The following GNAQ variants were observed in gnomAD, a reference collection of about 807,000 sequenced individuals.
GNAQ encodes G protein subunit alpha q, also known as guanine nucleotide-binding protein G(q) subunit alpha.
Under a neutral mutation model 43.9 loss-of-function variants are expected in GNAQ, and 8 were observed. That is an observed-to-expected ratio of 0.18 (90% CI 0.11 to 0.33). The LOEUF is 0.33. Among genes scored for constraint, GNAQ ranks in the 10% least tolerant of loss-of-function variants. The pLI, the probability that GNAQ is intolerant of heterozygous loss-of-function variation, is 1.00. For synonymous variants in GNAQ, 155 were observed against 170.7 expected, an observed-to-expected ratio of 0.91 and a Z score of 0.71; for missense variants, 158 against 450.8, an observed-to-expected ratio of 0.35 and a Z score of 5.88.
chr9:77,967,938 C>G (rs759164178), intron 1 of GNAQ, among the ~76,000 whole-genome samples: 7 of 152,132 alleles, frequency 4.6e-5, no homozygotes, highest in Non-Finnish European at 7.3e-5. Flanking sequence ...CGAGATCATA[C>G]CATTGCACTC....
intron 3 of GNAQ, among the ~76,000 whole-genome samples, chr9:77,815,346 G>A (rs1203471517): frequency 1.3e-5 from 2 of 152,144 alleles, no homozygotes; most frequent in Non-Finnish European, 2.9e-5. Context: ...GAGGAGACAG[G>A]TTGGTGAAAT....
chr9:77,758,920 C>A (rs921198614), intron 5 of GNAQ, among the ~76,000 whole-genome samples: 2 of 152,048 alleles, frequency 1.3e-5, no homozygotes, highest in Non-Finnish European at 2.9e-5. Flanking sequence ...ATAATCCAAA[C>A]TTATTCTCAA....
intron 2 of GNAQ, among the ~76,000 whole-genome samples, chr9:77,823,937 A>C (rs1185201237): frequency 3.3e-5 from 5 of 152,208 alleles, no homozygotes; most frequent in African/African-American, 4.8e-5. Context: ...TTATTCAAGG[A>C]AGTGTGCACA....
At chr9:77,863,326 G>A (rs955438312) in intron 2 of GNAQ, among the ~76,000 whole-genome samples, 15 of 152,112 alleles carry the variant, frequency 9.9e-5, no homozygotes, top group African/African-American at 3.4e-4. Flanking sequence ...CTAGGGCAGG[G>A]GCAAAACGTT....
At chr9:77,985,332 CAA>C (rs981322873) in intron 1 of GNAQ, among the ~76,000 whole-genome samples, 17 of 152,252 alleles carry the variant, frequency 1.1e-4, no homozygotes, top group African/African-American at 3.6e-4. Context: ...AACCAACAAA[CAA>C]AAGAGTTTGT....
intron 5 of GNAQ, among the ~76,000 whole-genome samples, chr9:77,790,626 T>C (rs1284935948): frequency 6.6e-6 from 1 of 152,188 alleles, no homozygotes; most frequent in Non-Finnish European, 1.5e-5. Flanking sequence ...TTATTTCAAC[T>C]CCTTCATGAA....
At chr9:77,820,242 C>CT (rs1827091986) in intron 2 of GNAQ, among the ~76,000 whole-genome samples, 1 of 152,104 alleles carries the variant, frequency 6.6e-6, no homozygotes, top group Admixed American at 6.5e-5. Context: ...TAATAGATCT[C>CT]TGAGTTCTCA....
At chr9:77,890,371 T>C (rs529352103) in intron 2 of GNAQ, among the ~76,000 whole-genome samples, 44 of 152,314 alleles carry the variant, frequency 2.9e-4, no homozygotes, top group African/African-American at 1.0e-3. Context: ...TAAATGTTCT[T>C]ATTTCATCCT....
chr9:77,750,002 T>C (rs1308468305), intron 5 of GNAQ, among the ~76,000 whole-genome samples: 1 of 152,142 alleles, frequency 6.6e-6, no homozygotes, highest in Non-Finnish European at 1.5e-5. Flanking sequence ...ATAGCAAATA[T>C]TTTGCAAGAT....
chr9:77,939,185 A>C lies in GNAQ; in HGVS notation c.137-16840T>G, dbSNP rs991242452. 3.9e-5 allele frequency among the ~76,000 whole-genome samples: 6 copies of C among 152,344 alleles called. No homozygotes were observed. In the East Asian group the frequency reaches 5.8e-4, roughly 15 times the overall value. On this transcript the variant is annotated intron_variant, in intron 1 of 6. Transcript: ENST00000286548. The stretch of plus-strand genomic sequence containing the variant: ...TAAGGATATGGAATGAGGGGCAAGG[A>C]AGGTTCTAGAAATGTTGAATAAATA...
In GNAQ at chr9:77,981,278, A is replaced by AC. The variant is rs141062745; in HGVS notation, c.136+49821_136+49822insG. On this transcript the variant is annotated intron_variant, in intron 1 of 6. Transcript: ENST00000286548. ...CCTTTAATCAATCAAGACAAAAAAAATAGTATTTAAAATGCTTTTAATCAT... is the reference window on the plus strand; with the variant it reads ...CCTTTAATCAATCAAGACAAAAAAAACTAGTATTTAAAATGCTTTTAATCAT... 7.0e-3 allele frequency among the ~76,000 whole-genome samples: 1,062 copies of AC among 152,362 alleles called. 18 individuals carry two copies. The highest frequency in any genetic ancestry group is 0.024 in the African/African-American group (987 of 41,582).
At chr9:77,970,790 G>A (rs1159738815) in intron 1 of GNAQ, among the ~76,000 whole-genome samples, 3 of 151,862 alleles carry the variant, frequency 2.0e-5, no homozygotes, top group Admixed American at 2.0e-4. Context: ...ATTAAGATCA[G>A]AGCAGAACTG....
At chr9:77,873,170 T>A (rs755914921) in intron 2 of GNAQ, among the ~76,000 whole-genome samples, 3 of 152,188 alleles carry the variant, frequency 2.0e-5, no homozygotes, top group Non-Finnish European at 2.9e-5. Flanking sequence ...GAAACAGAAC[T>A]GTAATAATGG....
chr9:77,869,220 G>T (rs1028883562), intron 2 of GNAQ, among the ~76,000 whole-genome samples: 4 of 152,070 alleles, frequency 2.6e-5, no homozygotes, highest in Non-Finnish European at 5.9e-5. Flanking sequence ...TTCTAGAGGG[G>T]AAATTTAGCT....
chr9:77,879,265 G>T (rs1302598316), intron 2 of GNAQ, among the ~76,000 whole-genome samples: 1 of 151,820 alleles, frequency 6.6e-6, no homozygotes, highest in Non-Finnish European at 1.5e-5. Context: ...TTCTTTTTTA[G>T]TTTTTTTCTT....
intron 2 of GNAQ, among the ~76,000 whole-genome samples, chr9:77,866,513 T>C (rs1827951847): frequency 6.6e-6 from 1 of 152,236 alleles, no homozygotes; most frequent in Admixed American, 6.5e-5. Context: ...TTACTTGTGA[T>C]ATCTTGTCAG....
rs1338951453 is a variant in GNAQ, at chr9:77,719,586, T to C, written c.*1737A>G. 1.7e-5 allele frequency: 4 copies of C among 232,708 alleles called. No homozygotes were observed. In the Admixed American group the frequency reaches 2.3e-4, roughly 13 times the overall value. 14.4% of individuals were successfully genotyped at this position (232,708 alleles called of 1,614,324 possible). On this transcript the variant is annotated 3_prime_UTR_variant, in exon 7 of 7. Coordinates refer to ENST00000286548, the MANE Select transcript of GNAQ (RefSeq NM_002072.5). ...CAAAAGAGTGATTTATATGGAAGTT[T>C]ACACTAGTGCCAAATACCACTGTAG...
chr9:77,770,031 C>T (rs1039383388), intron 5 of GNAQ, among the ~76,000 whole-genome samples: 1 of 152,068 alleles, frequency 6.6e-6, no homozygotes, highest in African/African-American at 2.4e-5. Context: ...AGCAGCTTTT[C>T]CTCATAATGA....
intron 2 of GNAQ, among the ~76,000 whole-genome samples, chr9:77,843,360 G>A: frequency 6.6e-6 from 1 of 152,196 alleles, no homozygotes; most frequent in East Asian, 1.9e-4. Flanking sequence ...GCGAGCAGAA[G>A]AGTGCTAAGG....
Sources: gnomAD v4.1 joint callset for allele counts (sites outside exome capture counted in the v4.1 genomes callset) on GRCh38, gnomAD v4.1.1 for gene constraint, MANE v1.5 for transcripts, NCBI Gene and HGNC (gene_info 2026-07-23, HGNC 2026-07-21) for gene names.